The following TNFAIP2 variants were observed in gnomAD, a reference collection of about 807,000 sequenced individuals.
The protein encoded by TNFAIP2 is TNF alpha induced protein 2.
Under a neutral mutation model 63.5 loss-of-function variants are expected in TNFAIP2, and 47 were observed. The ratio of observed to expected loss-of-function variants is 0.74; its 90% CI spans 0.59 to 0.94. TNFAIP2 has a LOEUF of 0.94. TNFAIP2 is among the 40% of genes least tolerant of loss of function. TNFAIP2 has a pLI of 0.00. For missense variants in TNFAIP2, 787 were observed against 850.2 expected (o/e 0.93, Z 0.92); for synonymous variants, 405 against 390.2 (o/e 1.04, Z -0.45).
chr14:103,135,318 G>A lies in TNFAIP2; in HGVS notation c.1923G>A (p.Gln641=), dbSNP rs760932197. Residue 641 remains glutamine (Q), a synonymous_variant, in exon 12 of 12, where the codon CAG becomes CAA. Transcript: ENST00000560869. This position sits in a 1 kb window ranked among gnomAD's most constrained non-coding sequence, Gnocchi z 7.6. ...TCTTGGACGTCAGCATGGGGGCGCA[G>A]GAGCCCTCCCGGCCCCTATTTTCCC... ...RSILDVSMGA[Q]EPSRPLFSLI... The A allele has an allele frequency of 6.2e-7, 1 of 1,613,586 alleles. No individual in the cohort carries two copies. Among genetic ancestry groups the A allele is most frequent in the Non-Finnish European group, 8.5e-7 (1 of 1,179,872 alleles).
At position 103,130,314 on chromosome 14, in the gene TNFAIP2, G is replaced by T; in HGVS notation, c.1099-1G>T. The T allele has an allele frequency of 6.4e-7, 1 of 1,556,544 alleles. No individual in the cohort carries two copies. On this transcript the variant is annotated splice_acceptor_variant, in intron 5 of 11. Coordinates refer to ENST00000560869, the MANE Select transcript of TNFAIP2 (RefSeq NM_006291.4). LOFTEE classifies it high-confidence loss of function. ...TCAGCTCACCCACCACCACCCTGCA[G>T]ATCACCTCCCAGGCCCAGGCCAAGG... is the stretch of plus-strand genomic sequence containing the variant.
Position 103,127,222 on chromosome 14 carries a change from G to C in TNFAIP2, c.453G>C (p.Leu151=). 1 of 1,093,048 alleles carries C rather than the reference G, an allele frequency of 9.1e-7. No individual in the cohort carries two copies. The highest frequency in any genetic ancestry group is 1.1e-6 in the Non-Finnish European group (1 of 896,500). The allele number at this position is 1,093,048 out of a possible 1,614,324, so 67.7% of individuals were successfully genotyped here. ...RRPLEAPPER[L]RQALAVVAEQ... ...CGCTGGAGGCGCCGCCCGAGCGGCTGCGCCAGGCGCTGGCCGTGGTGGCGG... is the reference window on the plus strand; with the variant it reads ...CGCTGGAGGCGCCGCCCGAGCGGCTCCGCCAGGCGCTGGCCGTGGTGGCGG... Residue 151 remains leucine, a synonymous_variant, in exon 3 of 12, where the codon CTG becomes CTC. Coordinates refer to ENST00000560869, the MANE Select transcript of TNFAIP2 (RefSeq NM_006291.4). This position sits in a 1 kb window ranked among gnomAD's most constrained non-coding sequence, Gnocchi z 5.1.
intron 8 of TNFAIP2, 58 bp from the exon 9 acceptor site, chr14:103,132,686 TGTCTGC>T (rs1162126299): frequency 4.7e-6 from 7 of 1,505,144 alleles, no homozygotes; most frequent in African/African-American, 4.6e-5. Context: ...CGTGTCTGCG[TGTCTGC>T]GGCTGGCAGC....
chr14:103,135,391 G>A lies in TNFAIP2; in HGVS notation c.*31G>A. The A allele has an allele frequency of 6.4e-7, 1 of 1,573,384 alleles. No homozygotes were observed. Among genetic ancestry groups the A allele is most frequent in the Non-Finnish European group, 8.6e-7 (1 of 1,160,636 alleles). On this transcript the variant is annotated 3_prime_UTR_variant, in exon 12 of 12. Coordinates refer to ENST00000560869, the MANE Select transcript of TNFAIP2 (RefSeq NM_006291.4). This position sits in a 1 kb window ranked among gnomAD's most constrained non-coding sequence, Gnocchi z 7.6. ...CCTGTGGCCTGACCTGCCTGTGAGTGCCCAGCAAGCCTTGGGCACACCCCG... is the reference window on the plus strand; with the variant it reads ...CCTGTGGCCTGACCTGCCTGTGAGTACCCAGCAAGCCTTGGGCACACCCCG...
chr14:103,128,356 G>A (rs1263122948), intron 3 of TNFAIP2, among the ~76,000 whole-genome samples: 1 of 152,194 alleles, frequency 6.6e-6, no homozygotes, highest in Admixed American at 6.5e-5. Flanking sequence ...TGGGAGGCTG[G>A]CTGTGCAGCT....
At chr14:103,122,590 C>A (rs1443859515), upstream of TNFAIP2, 2 of 445,610 alleles carry the variant, frequency 4.5e-6, no homozygotes, top group Admixed American at 2.4e-5. Context: ...GCCCCACCCC[C>A]ACATCTCCCA....
At position 103,131,067 on chromosome 14, in the gene TNFAIP2, T is replaced by C; in HGVS notation, c.1215T>C (p.Phe405=). The change falls in exon 7 of 12, where the codon TTT becomes TTC. Residue 405 remains phenylalanine (F), a synonymous_variant. Coordinates refer to ENST00000560869, the MANE Select transcript of TNFAIP2 (RefSeq NM_006291.4). This position sits in a 1 kb window ranked among gnomAD's most constrained non-coding sequence, Gnocchi z 4.0. The part of the protein sequence containing the change: ...PAFLRSYQRA[F]NEFLERGKQL... ...GTTTCGCCAGCTACCAGCGCGCCTT[T>C]AATGAATTTCTGGAGAGAGGCAAGC... 3 of 1,614,198 alleles carry C rather than the reference T, an allele frequency of 1.9e-6. No homozygotes were observed. The highest frequency in any genetic ancestry group is 2.5e-6 in the Non-Finnish European group (3 of 1,180,024).
At position 103,129,803 on chromosome 14, in the gene TNFAIP2, G is replaced by GC. The variant is rs774638550; in HGVS notation, c.930dup (p.Arg311GlnfsTer14). ...AGGGTATGGGGCTCGGGAGCCTCCT[G>GC]CCCCCCAGGCAGATCCGACTGCTGG... On this transcript the variant is annotated frameshift_variant, in exon 4 of 12. Coordinates refer to ENST00000560869, the MANE Select transcript of TNFAIP2 (RefSeq NM_006291.4). LOFTEE classifies it high-confidence loss of function. The GC allele has an allele frequency of 2.5e-6, 4 of 1,613,988 alleles. No homozygotes were observed. Among genetic ancestry groups the GC allele is most frequent in the Non-Finnish European group, 1.7e-6 (2 of 1,179,952 alleles).
rs1415083147 is a variant in TNFAIP2 at position 103,127,280 on chromosome 14, G to GCGGGGC, written c.517_522dup (p.Pro173_Gly174dup). The GCGGGGC allele has an allele frequency of 2.0e-6, 2 of 992,082 alleles. No individual in the cohort carries two copies. Among genetic ancestry groups the GCGGGGC allele is most frequent in the African/African-American group, 3.5e-5 (2 of 56,724 alleles). The allele number at this position is 992,082 out of a possible 1,614,324, so 61.5% of individuals were successfully genotyped here. On this transcript the variant is annotated inframe_insertion, in exon 3 of 12. Coordinates refer to ENST00000560869, the MANE Select transcript of TNFAIP2 (RefSeq NM_006291.4). This position sits in a 1 kb window ranked among gnomAD's most constrained non-coding sequence, Gnocchi z 5.1. ...GCGCGAGGACCGCCAGGCGGCGGCG[G>GCGGGGC]CGGGGCCGGGGACCTCGGGGCTGGC...
rs1362847753 is a variant in TNFAIP2, at chr14:103,130,157, C to T, written c.1098+33C>T. ...AATCTGCCCCAGGGCACACGTACCGCCCGTGCACGTGCATGGGGAGCCCCA... is the reference window on the plus strand; with the variant it reads ...AATCTGCCCCAGGGCACACGTACCGTCCGTGCACGTGCATGGGGAGCCCCA... On this transcript the variant is annotated intron_variant, in intron 5 of 11. Transcript: ENST00000560869. 6 of 1,600,090 alleles carry T rather than the reference C, an allele frequency of 3.7e-6. No individual in the cohort carries two copies. In the South Asian group the frequency reaches 6.7e-5, roughly 18 times the overall value.
intron 3 of TNFAIP2, among the ~76,000 whole-genome samples, chr14:103,128,205 G>A (rs1212448440): frequency 6.6e-6 from 1 of 152,188 alleles, no homozygotes; most frequent in Non-Finnish European, 1.5e-5. Context: ...CCTCTTCCAG[G>A]GCACTCTGGA....
In TNFAIP2 at chr14:103,135,166, G is replaced by A; in HGVS notation, c.1824-53G>A. Reference sequence around the variant, plus strand: ...CACTGGCCGGGAGTGCAGGGAGCTGGTGAGTAGGGGTGTGGGTGACAGGCT... The same window carrying A: ...CACTGGCCGGGAGTGCAGGGAGCTGATGAGTAGGGGTGTGGGTGACAGGCT... On this transcript the variant is annotated intron_variant, in intron 11 of 11. Coordinates refer to ENST00000560869, the MANE Select transcript of TNFAIP2 (RefSeq NM_006291.4). This position sits in a 1 kb window ranked among gnomAD's most constrained non-coding sequence, Gnocchi z 7.6. 1 of 1,611,930 alleles carries A rather than the reference G, an allele frequency of 6.2e-7. No individual in the cohort carries two copies. The highest frequency in any genetic ancestry group is 2.2e-5 in the East Asian group (1 of 44,852).
At chr14:103,134,034 G>A (rs962664956) in intron 11 of TNFAIP2, among the ~76,000 whole-genome samples, 6 of 152,240 alleles carry the variant, frequency 3.9e-5, no homozygotes, top group African/African-American at 7.2e-5. Flanking sequence ...AAGGTGACAC[G>A]GCTAGTTAGT....
chr14:103,123,891 CG>C lies in TNFAIP2; in HGVS notation c.-206del. On this transcript the variant is annotated 5_prime_UTR_variant, in exon 1 of 12. The change abolishes the stop of an existing upstream ORF in the 5' untranslated region. Transcript: ENST00000560869. ...ACATCCTGCCCAGGACTGAAGGAGC[CG>C]GGCCCAGCGAGCTCCCGGGAGGTGT... 6.6e-6 allele frequency: 1 copy of C among 152,420 alleles called. No homozygotes were observed. Among genetic ancestry groups the C allele is most frequent in the Non-Finnish European group, 1.5e-5 (1 of 68,110 alleles). The allele number at this position is 152,420 out of a possible 1,614,324, so 9.4% of individuals were successfully genotyped here. A position where few individuals can be genotyped will look rare whatever the true frequency, so the allele number is the denominator to read the frequency against.
chr14:103,123,188 C>T (rs1398538290), upstream of TNFAIP2, among the ~76,000 whole-genome samples: 1 of 152,040 alleles, frequency 6.6e-6, no homozygotes, highest in Non-Finnish European at 1.5e-5. Context: ...CCCGTCGTCC[C>T]CGTGCCGTCC....
rs2087984865 is a variant in TNFAIP2 at position 103,131,973 on chromosome 14, G to T, written c.1422+211G>T. Among the ~76,000 whole-genome samples the T allele has an allele frequency of 1.3e-5, 1 of 76,144 alleles. No individual in the cohort carries two copies. Among genetic ancestry groups the T allele is most frequent in the Non-Finnish European group, 2.8e-5 (1 of 35,188 alleles). 50.0% of individuals were successfully genotyped at this position (76,144 alleles called of 152,430 possible). A position where few individuals can be genotyped will look rare whatever the true frequency, so the allele number is the denominator to read the frequency against. ...TGAACTCCGCCGATCATGTCCTGGG[G>T]TTTCACCTGAGAGGGGCCGCCTGGG... is the stretch of plus-strand genomic sequence containing the variant. On this transcript the variant is annotated intron_variant, in intron 8 of 11. Transcript: ENST00000560869. The surrounding 1 kb of genome is among the most constrained non-coding windows in gnomAD (Gnocchi z 4.0).
chr14:103,126,318 A>AGGCTCCTGCG lies in TNFAIP2; in HGVS notation c.-137_-136insTCCTGCGGGC. On this transcript the variant is annotated 5_prime_UTR_variant, in exon 2 of 12. Transcript: ENST00000560869. ...TCACCCCCACCCCGCAGGAGCCTGCAGGCCTGAACCAGGGTGATGCTGAAG... is the reference window on the plus strand; with the variant it reads ...TCACCCCCACCCCGCAGGAGCCTGCAGGCTCCTGCGGGCCTGAACCAGGGTGATGCTGAAG... 1.6e-6 allele frequency: 1 copy of AGGCTCCTGCG among 643,234 alleles called. No homozygotes were observed. The highest frequency in any genetic ancestry group is 2.7e-6 in the Non-Finnish European group (1 of 368,682). 39.8% of individuals were successfully genotyped at this position (643,234 alleles called of 1,614,324 possible).
At position 103,135,749 on chromosome 14, in the gene TNFAIP2, G is replaced by T; in HGVS notation, c.*389G>T. 7.9e-7 allele frequency: 1 copy of T among 1,270,210 alleles called. No individual in the cohort carries two copies. Among genetic ancestry groups the T allele is most frequent in the Non-Finnish European group, 1.0e-6 (1 of 982,414 alleles). The allele number at this position is 1,270,210 out of a possible 1,614,324, so 78.7% of individuals were successfully genotyped here. A position where few individuals can be genotyped will look rare whatever the true frequency, so the allele number is the denominator to read the frequency against. ...GACTGTCCTCCTCGTGGGTGGGGCCGAGGGCCCTCTTCAGCTCTCTGGAGA... is the reference window on the plus strand; with the variant it reads ...GACTGTCCTCCTCGTGGGTGGGGCCTAGGGCCCTCTTCAGCTCTCTGGAGA... On this transcript the variant is annotated 3_prime_UTR_variant, in exon 12 of 12. Transcript: ENST00000560869. The surrounding 1 kb of genome is among the most constrained non-coding windows in gnomAD (Gnocchi z 7.6).
Position 103,131,176 on chromosome 14 carries a change from G to A in TNFAIP2, c.1298+26G>A. The A allele has an allele frequency of 3.1e-6, 5 of 1,611,516 alleles. No individual in the cohort carries two copies. Among genetic ancestry groups the A allele is most frequent in the Middle Eastern group, 3.3e-4 (2 of 6,058 alleles). ...GTGAGAGTGTTGGGAGGGGCTTGCGGGAGTGGGAGTCACTCAGCGGGCAGG... is the reference window on the plus strand; with the variant it reads ...GTGAGAGTGTTGGGAGGGGCTTGCGAGAGTGGGAGTCACTCAGCGGGCAGG... On this transcript the variant is annotated intron_variant, in intron 7 of 11. Transcript: ENST00000560869. This position sits in a 1 kb window ranked among gnomAD's most constrained non-coding sequence, Gnocchi z 4.0.
Sources: gnomAD v4.1 joint callset for allele counts (sites outside exome capture counted in the v4.1 genomes callset) on GRCh38, gnomAD v4.1.1 for gene constraint, Gnocchi (gnomAD v3.1) non-coding constraint, MANE v1.5 for transcripts, NCBI Gene and HGNC (gene_info 2026-07-23, HGNC 2026-07-21) for gene names.